Variants in NAV2 observed in about 807,000 individuals in gnomAD.
The protein encoded by NAV2 is helicase, APC down-regulated 1.
NAV2 carries 54 observed loss-of-function variants against 223.2 expected under a neutral mutation model. The observed-to-expected ratio is 0.24, with a 90% confidence interval of 0.19 to 0.30. The LOEUF (loss-of-function observed/expected upper bound fraction) is 0.30, where lower values mean the gene tolerates loss of function less well. Among genes scored for constraint, NAV2 ranks in the 10% least tolerant of loss-of-function variants. The pLI is 1.00. For synonymous variants in NAV2, 1,279 were observed against 1,239.3 expected, an observed-to-expected ratio of 1.03 and a Z score of -0.67; for missense variants, 2,806 against 3,147.5, an observed-to-expected ratio of 0.89 and a Z score of 2.60.
At chr11:19,801,552 C>T (rs1565340456) in intron 1 of NAV2, among the ~76,000 whole-genome samples, 1 of 152,208 alleles carries the variant, frequency 6.6e-6, no homozygotes, top group Non-Finnish European at 1.5e-5. Flanking sequence ...TTTCGGCCTC[C>T]ACCTGAAAGT....
chr11:19,398,094 T>C (rs1257272466), intron 1 of NAV2, among the ~76,000 whole-genome samples: 2 of 152,108 alleles, frequency 1.3e-5, no homozygotes, highest in African/African-American at 4.8e-5. Context: ...GACTGGGTAA[T>C]TTATAAGAAA....
Position 19,359,198 on chromosome 11 carries a change from T to C in NAV2, c.75+8171T>C, listed in dbSNP as rs1411967490. On this transcript the variant is annotated intron_variant, in intron 1 of 37. Coordinates refer to the NAV2 transcript ENST00000360655. Reference sequence around the variant, plus strand: ...GAGAAGATTTTAATTGTCTTTGATTTGGGATGGGAGAAATAGTGTCTGGTA... The same window carrying C: ...GAGAAGATTTTAATTGTCTTTGATTCGGGATGGGAGAAATAGTGTCTGGTA... Among the ~76,000 whole-genome samples, 3 of 152,346 alleles carry C rather than the reference T, an allele frequency of 2.0e-5. No individual in the cohort carries two copies. The East Asian group carries it at 5.8e-4, about 29-fold the overall frequency.
At chr11:19,740,336 G>C (rs1683637559) in intron 1 of NAV2, among the ~76,000 whole-genome samples, 1 of 152,156 alleles carries the variant, frequency 6.6e-6, no homozygotes, top group African/African-American at 2.4e-5. Flanking sequence ...TGCAAGATGT[G>C]CTTTGTTAAA....
chr11:19,624,463 C>T (rs2135440138), intron 1 of NAV2, among the ~76,000 whole-genome samples: 1 of 152,298 alleles, frequency 6.6e-6, no homozygotes, highest in Admixed American at 6.5e-5. Context: ...GGCGGGTGCC[C>T]CTCCCCCAGC....
chr11:19,598,474 T>C (rs1226378222), intron 1 of NAV2, among the ~76,000 whole-genome samples: 1 of 152,230 alleles, frequency 6.6e-6, no homozygotes, highest in Non-Finnish European at 1.5e-5. Context: ...TGGGAAGCTA[T>C]TGTAGTGCTG....
chr11:20,024,820 C>T (rs2054889859), intron 11 of NAV2, among the ~76,000 whole-genome samples: 1 of 152,148 alleles, frequency 6.6e-6, no homozygotes, highest in South Asian at 2.1e-4. Context: ...GGGAGGGAGA[C>T]TATGGGGGTA....
chr11:20,088,455 G>A (rs1000202588), intron 26 of NAV2, among the ~76,000 whole-genome samples: 7 of 152,320 alleles, frequency 4.6e-5, no homozygotes, highest in East Asian at 1.9e-4. Context: ...GATTACAGGC[G>A]TGAGCCGCCA....
intron 6 of NAV2, among the ~76,000 whole-genome samples, chr11:19,923,169 C>T (rs1045759341): frequency 2.6e-5 from 4 of 152,128 alleles, no homozygotes; most frequent in Non-Finnish European, 5.9e-5. Context: ...GGCCAGTGGA[C>T]ATCTGTCTTT....
chr11:19,404,258 G>A (rs1249926506), intron 1 of NAV2, among the ~76,000 whole-genome samples: 1 of 152,204 alleles, frequency 6.6e-6, no homozygotes, highest in Admixed American at 6.5e-5. Context: ...TGTATTTGAG[G>A]TTGAGAGTTT....
intron 35 of NAV2, 44 bp from the exon 36 acceptor site, chr11:20,107,620 C>G (rs1178756418): frequency 6.8e-7 from 1 of 1,465,234 alleles, no homozygotes; most frequent in African/African-American, 1.4e-5. Flanking sequence ...GCCCCATCAC[C>G]CATGCCCATT....
intron 11 of NAV2, among the ~76,000 whole-genome samples, chr11:19,988,275 G>GCA (rs2153460047): frequency 6.6e-6 from 1 of 152,306 alleles, no homozygotes; most frequent in African/African-American, 2.4e-5. Context: ...GCCATTGAGA[G>GCA]CACAACGAGG....
chr11:20,092,108 G>A (rs563109637), intron 27 of NAV2, 98 bp from the exon 28 acceptor site: 13 of 1,217,760 alleles, frequency 1.1e-5, no homozygotes, highest in Middle Eastern at 2.2e-4. Context: ...TGGAAGACCA[G>A]CCTGGTTTCT....
intron 8 of NAV2, among the ~76,000 whole-genome samples, chr11:19,943,329 T>TA (rs1376666086): frequency 6.6e-6 from 1 of 152,130 alleles, no homozygotes; most frequent in African/African-American, 2.4e-5. Context: ...TTGCTTTTTT[T>TA]AAAAAAACAC....
At chr11:19,946,147 C>T (rs1591369743) in intron 8 of NAV2, among the ~76,000 whole-genome samples, 1 of 152,220 alleles carries the variant, frequency 6.6e-6, no homozygotes, top group Admixed American at 6.5e-5. Flanking sequence ...AGGCACTTGG[C>T]TTCTCCCACA....
At chr11:19,432,295 C>T (rs1328809765) in intron 1 of NAV2, among the ~76,000 whole-genome samples, 1 of 151,848 alleles carries the variant, frequency 6.6e-6, no homozygotes, top group Non-Finnish European at 1.5e-5. Context: ...CTTTCCTCTC[C>T]TGTGGCCCAC....
chr11:19,570,271 C>T (rs1252812234), intron 1 of NAV2, among the ~76,000 whole-genome samples: 2 of 152,154 alleles, frequency 1.3e-5, no homozygotes, highest in Non-Finnish European at 1.5e-5. Flanking sequence ...CCCTTAGTCT[C>T]TAAGATGGGA....
chr11:19,900,040 T>G (rs1044258860), intron 6 of NAV2, among the ~76,000 whole-genome samples: 75 of 152,310 alleles, frequency 4.9e-4, no homozygotes, highest in Non-Finnish European at 4.3e-4. Context: ...CCATCTTTTT[T>G]TGGGAATCAG....
intron 1 of NAV2, among the ~76,000 whole-genome samples, chr11:19,395,979 G>A (rs1172024679): frequency 2.6e-5 from 4 of 152,166 alleles, no homozygotes; most frequent in Non-Finnish European, 5.9e-5. Flanking sequence ...GTTTTGAGTT[G>A]GCCTCAGGCA....
chr11:20,100,089 C>G (rs568648699), intron 31 of NAV2, among the ~76,000 whole-genome samples: 7 of 152,256 alleles, frequency 4.6e-5, no homozygotes, highest in Middle Eastern at 3.4e-3. Flanking sequence ...AGTACATACT[C>G]TTCAGTTTAC....
Sources: allele counts gnomAD v4.1 joint callset (sites outside exome capture counted in the v4.1 genomes callset), GRCh38; gene constraint gnomAD v4.1.1; transcripts MANE v1.5; gene names NCBI Gene and HGNC (gene_info 2026-07-23, HGNC 2026-07-21).